SGCZ: variants seen among roughly 807,000 people sequenced by gnomAD.
SGCZ encodes sarcoglycan zeta, also known as zeta-sarcoglycan.
SGCZ carries 40 observed loss-of-function variants against 41.3 expected under a neutral mutation model. The ratio of observed to expected loss-of-function variants is 0.97; its 90% CI spans 0.75 to 1.26. SGCZ has a LOEUF of 1.26. SGCZ is among the 50% of genes most tolerant of loss of function. The pLI, the probability that SGCZ is intolerant of heterozygous loss-of-function variation, is 0.00. For missense variants in SGCZ, 552 were observed against 369.8 expected (o/e 1.49, Z -4.04); for synonymous variants, 206 against 137.5 (o/e 1.50, Z -3.49).
chr8:14,239,681 T>A (rs1025219908), intron 3 of SGCZ, among the ~76,000 whole-genome samples: 3 of 151,652 alleles, frequency 2.0e-5, no homozygotes, highest in Admixed American at 1.3e-4. Context: ...GGCGGGCGGA[T>A]CACGAGGTCA....
intron 1 of SGCZ, among the ~76,000 whole-genome samples, chr8:14,816,816 A>G (rs943038346): frequency 2.0e-5 from 3 of 152,254 alleles, no homozygotes; most frequent in Non-Finnish European, 4.4e-5. Flanking sequence ...AATTTAATTC[A>G]ATTACCAAAA....
At chr8:14,610,543 CATCTT>C (rs1474507105) in intron 1 of SGCZ, among the ~76,000 whole-genome samples, 1 of 152,086 alleles carries the variant, frequency 6.6e-6, no homozygotes, top group Non-Finnish European at 1.5e-5. Context: ...ACATAAAACT[CATCTT>C]AAATGTATGT....
chr8:15,096,697 T>C (rs941806366), intron 1 of SGCZ, among the ~76,000 whole-genome samples: 2 of 152,148 alleles, frequency 1.3e-5, no homozygotes, highest in African/African-American at 4.8e-5. Flanking sequence ...TATTTTATTT[T>C]ATTTTTTGAG....
chr8:14,408,423 C>T (rs1799269075), intron 2 of SGCZ, among the ~76,000 whole-genome samples: 1 of 152,030 alleles, frequency 6.6e-6, no homozygotes. Flanking sequence ...CCCTAATATC[C>T]AATAAATCAT....
chr8:14,477,726 G>C (rs1801401735), intron 2 of SGCZ, among the ~76,000 whole-genome samples: 1 of 152,128 alleles, frequency 6.6e-6, no homozygotes, highest in Non-Finnish European at 1.5e-5. Context: ...TGCTACTCCA[G>C]ACTATCTTAA....
At chr8:14,380,441 AT>A (rs199891918) in intron 2 of SGCZ, among the ~76,000 whole-genome samples, 2,927 of 152,354 alleles carry the variant, frequency 0.019, 77 homozygotes, top group African/African-American at 0.055. Context: ...GGTTATCAAA[AT>A]ATGTTTTCCA....
intron 5 of SGCZ, among the ~76,000 whole-genome samples, chr8:14,133,260 G>C (rs755884062): frequency 2.0e-5 from 3 of 152,196 alleles, no homozygotes; most frequent in Non-Finnish European, 2.9e-5. Context: ...ATTTCCCAGA[G>C]AAATTCTCCA....
In SGCZ at chr8:14,085,648, A is replaced by AG. The variant is rs1322862324; in HGVS notation, c.*4794dup. Among the ~76,000 whole-genome samples, 2 of 151,884 alleles carry AG rather than the reference A, an allele frequency of 1.3e-5. No individual in the cohort carries two copies. Among genetic ancestry groups the AG allele is most frequent in the African/African-American group, 4.8e-5 (2 of 41,524 alleles). On this transcript the variant is annotated 3_prime_UTR_variant, in exon 8 of 8. Transcript: ENST00000382080. ...AGCAGTGAAAGTTGAAACTCAGCTG[A>AG]GGAGATCCATGCTGGGCCCATTTTG...
intron 2 of SGCZ, among the ~76,000 whole-genome samples, chr8:14,331,663 A>G (rs1237702554): frequency 1.3e-5 from 2 of 152,102 alleles, no homozygotes; most frequent in African/African-American, 4.8e-5. Context: ...ACCATCCTGA[A>G]TATGATTTAT....
At chr8:14,917,804 G>T (rs1799481973) in intron 1 of SGCZ, among the ~76,000 whole-genome samples, 1 of 151,940 alleles carries the variant, frequency 6.6e-6, no homozygotes, top group African/African-American at 2.4e-5. Flanking sequence ...CTTCTATTTT[G>T]TACCATATCA....
chr8:14,540,720 G>C (rs749240008), intron 2 of SGCZ, among the ~76,000 whole-genome samples: 1 of 151,778 alleles, frequency 6.6e-6, no homozygotes, highest in East Asian at 1.9e-4. Flanking sequence ...ATTGAGGATA[G>C]TAGTCATTTG....
Position 14,672,620 on chromosome 8 carries a change from T to C in SGCZ, c.40-117694A>G, listed in dbSNP as rs892159612. On this transcript the variant is annotated intron_variant, in intron 1 of 7. Transcript: ENST00000382080. ...GGAGCAGGAAGTAACTAACTCTGGC[T>C]GGGAAACTACAAGAAAAGCTTTTTG... is the stretch of plus-strand genomic sequence containing the variant. Among the ~76,000 whole-genome samples, 5 of 152,168 alleles carry C rather than the reference T, an allele frequency of 3.3e-5. No homozygotes were observed. The South Asian group carries it at 1.0e-3, about 32-fold the overall frequency.
Position 14,693,582 on chromosome 8 carries a change from CTTTTTTTTTTTTTTTT to C in SGCZ, c.40-138672_40-138657del, listed in dbSNP as rs67757752. Among the ~76,000 whole-genome samples the C allele has an allele frequency of 6.5e-5, 4 of 61,554 alleles. 1 individual carries two copies. In the Admixed American group the frequency reaches 9.0e-4, roughly 14 times the overall value. 40.4% of individuals were successfully genotyped at this position (61,554 alleles called of 152,430 possible). On this transcript the variant is annotated intron_variant, in intron 1 of 7. Transcript: ENST00000382080. ...TACAGGCGTCAGCTACCACGACTGG[CTTTTTTTTTTTTTTTT>C]TTTTTTTTTTGAGACGGAGTCTCGC...
In SGCZ at chr8:14,335,384, G is replaced by C. The variant is rs937398006; in HGVS notation, c.235-11180C>G. On this transcript the variant is annotated intron_variant, in intron 2 of 7. Transcript: ENST00000382080. ...TATCTATCTCACCCTTGAATTCCAA[G>C]GATGAATTTTTTTTCCTAAAACATG... Among the ~76,000 whole-genome samples, 6 of 151,984 alleles carry C rather than the reference G, an allele frequency of 3.9e-5. No individual in the cohort carries two copies. The South Asian group carries it at 1.2e-3, about 32-fold the overall frequency.
At chr8:15,206,886 T>C (rs1260508644) in intron 1 of SGCZ, among the ~76,000 whole-genome samples, 3 of 152,004 alleles carry the variant, frequency 2.0e-5, no homozygotes, top group Non-Finnish European at 1.5e-5. Flanking sequence ...GGGGTCAGAA[T>C]TGGAATGAAA....
At chr8:14,371,188 T>C (rs1585417097) in intron 2 of SGCZ, among the ~76,000 whole-genome samples, 1 of 152,162 alleles carries the variant, frequency 6.6e-6, no homozygotes, top group East Asian at 1.9e-4. Flanking sequence ...AAGTAAACTC[T>C]GCCTTCAAAG....
intron 1 of SGCZ, among the ~76,000 whole-genome samples, chr8:15,225,972 C>G (rs1461075198): frequency 1.3e-5 from 2 of 152,162 alleles, no homozygotes; most frequent in Non-Finnish European, 2.9e-5. Flanking sequence ...TCTTACTAGT[C>G]CACATTGTAA....
chr8:15,002,519 C>T (rs1802462661), intron 1 of SGCZ, among the ~76,000 whole-genome samples: 1 of 151,998 alleles, frequency 6.6e-6, no homozygotes, highest in Non-Finnish European at 1.5e-5. Context: ...AACCCAGCAG[C>T]CTCATGGATA....
At chr8:14,541,003 T>A (rs182210383) in intron 2 of SGCZ, among the ~76,000 whole-genome samples, 10 of 151,038 alleles carry the variant, frequency 6.6e-5, no homozygotes, top group African/African-American at 2.4e-4. Flanking sequence ...TATATGTATA[T>A]ATAGAGATGA....
Sources: gnomAD v4.1 joint callset for allele counts (sites outside exome capture counted in the v4.1 genomes callset) on GRCh38, gnomAD v4.1.1 for gene constraint, MANE v1.5 for transcripts, NCBI Gene and HGNC (gene_info 2026-07-23, HGNC 2026-07-21) for gene names.